PPM1E: variants seen among roughly 807,000 people sequenced by gnomAD.
PPM1E encodes the protein protein phosphatase 1E.
A neutral mutation model predicts 65.9 loss-of-function variants in PPM1E; 20 were observed. The ratio of observed to expected loss-of-function variants is 0.30; its 90% CI spans 0.21 to 0.44. PPM1E has a LOEUF of 0.44. Ranked by LOEUF, PPM1E falls within the 20% of genes least tolerant of loss-of-function variation. The pLI, the probability that PPM1E is intolerant of heterozygous loss-of-function variation, is 1.00. For missense variants in PPM1E, 713 were observed against 953.1 expected, an observed-to-expected ratio of 0.75 and a Z score of 3.32; for synonymous variants, 352 against 374.9, an observed-to-expected ratio of 0.94 and a Z score of 0.70.
chr17:58,759,909 G>T (rs1005919098), intron 1 of PPM1E, among the ~76,000 whole-genome samples: 1 of 152,124 alleles, frequency 6.6e-6, no homozygotes, highest in Non-Finnish European at 1.5e-5. Flanking sequence ...TATATAAATG[G>T]AAAAATATAT....
At chr17:58,899,279 G>C (rs1430418305) in intron 1 of PPM1E, 2 of 152,016 alleles carry the variant, frequency 1.3e-5, no homozygotes, top group African/African-American at 2.4e-5. Context: ...AAGCTGCAGT[G>C]AACTATGATT....
At chr17:58,866,747 G>A (rs902822393) in intron 1 of PPM1E, among the ~76,000 whole-genome samples, 1 of 152,142 alleles carries the variant, frequency 6.6e-6, no homozygotes, top group Non-Finnish European at 1.5e-5. Context: ...GGGAGAGAGA[G>A]CAGATCTTTA....
At chr17:58,802,552 G>T (rs114798663) in intron 1 of PPM1E, among the ~76,000 whole-genome samples, 5,973 of 151,626 alleles carry the variant, frequency 0.039, 220 homozygotes, top group African/African-American at 0.095. Context: ...AATGTTAGGG[G>T]TTTTTTTTCT....
chr17:58,837,344 C>A (rs999833901), intron 1 of PPM1E, among the ~76,000 whole-genome samples: 1 of 149,812 alleles, frequency 6.7e-6, no homozygotes, highest in Non-Finnish European at 1.5e-5. Context: ...CACACACACA[C>A]ACACACACAC....
intron 1 of PPM1E, among the ~76,000 whole-genome samples, chr17:58,849,115 T>G (rs189633292): frequency 0.017 from 2,555 of 152,304 alleles, 32 homozygotes; most frequent in Non-Finnish European, 0.028. Flanking sequence ...GGATTGGTGG[T>G]GATATCCCCT....
At chr17:58,962,980 T>C (rs927823233) in intron 2 of PPM1E, among the ~76,000 whole-genome samples, 1 of 152,042 alleles carries the variant, frequency 6.6e-6, no homozygotes, top group Non-Finnish European at 1.5e-5. Flanking sequence ...TCCCAGCTAC[T>C]TGAGAGGCTG....
chr17:58,905,381 T>A (rs1471914624), intron 1 of PPM1E, among the ~76,000 whole-genome samples: 1 of 152,202 alleles, frequency 6.6e-6, no homozygotes, highest in Admixed American at 6.5e-5. Context: ...GAAGTTGCCC[T>A]CTATTTCTGG....
At chr17:58,776,240 T>A (rs186333730) in intron 1 of PPM1E, among the ~76,000 whole-genome samples, 2 of 152,116 alleles carry the variant, frequency 1.3e-5, no homozygotes, top group African/African-American at 4.8e-5. Flanking sequence ...GATAGGAGGA[T>A]CCCTTGAGCC....
intron 1 of PPM1E, among the ~76,000 whole-genome samples, chr17:58,902,626 A>G (rs185460552): frequency 2.4e-4 from 37 of 152,238 alleles, no homozygotes; most frequent in Non-Finnish European, 4.3e-4. Flanking sequence ...CAGTTCCTAA[A>G]TCCAAATTAT....
rs113634561 is a variant in PPM1E at position 58,774,082 on chromosome 17, A to G, written c.464+17621A>G. ...GAGGCTGAGGCAGGAGAATCACTTG[A>G]ACCAGGGAGGCAGATGTTGTAGTGA... is the stretch of plus-strand genomic sequence containing the variant. On this transcript the variant is annotated intron_variant, in intron 1 of 6. Transcript: ENST00000308249. 8.8e-3 allele frequency among the ~76,000 whole-genome samples: 1,337 copies of G among 152,096 alleles called. 25 individuals carry two copies. Among genetic ancestry groups the G allele is most frequent in the African/African-American group, 0.03 (1,231 of 41,498 alleles).
At chr17:58,959,351 G>T (rs960695870) in intron 2 of PPM1E, among the ~76,000 whole-genome samples, 6 of 146,616 alleles carry the variant, frequency 4.1e-5, no homozygotes, top group African/African-American at 1.5e-4. Flanking sequence ...TGTAATCCCA[G>T]CACTTTGGGA....
chr17:58,963,787 G>C (rs573708709), intron 2 of PPM1E, among the ~76,000 whole-genome samples: 1 of 152,144 alleles, frequency 6.6e-6, no homozygotes, highest in African/African-American at 2.4e-5. Context: ...TACTCAGAAG[G>C]CTGAGGCAGG....
Position 58,980,924 on chromosome 17 carries a change from C to T in PPM1E, c.2161C>T (p.Pro721Ser), listed in dbSNP as rs1159529040. 8 of 1,613,994 alleles carry T rather than the reference C, an allele frequency of 5.0e-6. No homozygotes were observed. The Admixed American group carries it at 1.3e-4, about 27-fold the overall frequency. ...GAGAAATAGGATAAGAAGTTCTCTG[C>T]CATGGAGGCAAAATAGTTGGAAAGG... ...GKRNRIRSSL[P>S]WRQNSWKGYS... The change falls in exon 7 of 7, where the codon CCA becomes TCA. Residue 721 changes from proline to serine, a missense_variant. Pro to Ser is a moderately conservative substitution (Grantham distance 74). Coordinates refer to ENST00000308249, the MANE Select transcript of PPM1E (RefSeq NM_014906.5). The surrounding 1 kb of genome is among the most constrained non-coding windows in gnomAD (Gnocchi z 4.7).
intron 6 of PPM1E, among the ~76,000 whole-genome samples, chr17:58,975,794 A>G (rs2030961494): frequency 6.6e-6 from 1 of 152,130 alleles, no homozygotes; most frequent in Non-Finnish European, 1.5e-5. Flanking sequence ...TGTATTTATA[A>G]AGATATTTGT....
chr17:58,970,972 G>T (rs867951356), intron 4 of PPM1E, among the ~76,000 whole-genome samples: 1 of 151,968 alleles, frequency 6.6e-6, no homozygotes, highest in Non-Finnish European at 1.5e-5. Context: ...ATGTGTTGTT[G>T]TTGTTGTTGT....
At chr17:58,962,718 C>G (rs2030071419) in intron 2 of PPM1E, among the ~76,000 whole-genome samples, 1 of 152,158 alleles carries the variant, frequency 6.6e-6, no homozygotes, top group Admixed American at 6.6e-5. Context: ...CTATATACCT[C>G]CACAGGCTGT....
chr17:58,778,178 C>T (rs1213610734), intron 1 of PPM1E, among the ~76,000 whole-genome samples: 1 of 152,048 alleles, frequency 6.6e-6, no homozygotes, highest in Non-Finnish European at 1.5e-5. Context: ...CGGCTCCCTG[C>T]AAACTCCGCC....
intron 1 of PPM1E, among the ~76,000 whole-genome samples, chr17:58,805,980 A>AAAAAAAAAAC (rs2050307581): frequency 2.8e-5 from 3 of 107,932 alleles, no homozygotes; most frequent in African/African-American, 1.2e-4. Flanking sequence ...AAAACAAAAA[A>AAAAAAAAAAC]AAAACAAAAC....
chr17:58,770,295 C>T (rs2049923602), intron 1 of PPM1E, among the ~76,000 whole-genome samples: 1 of 152,010 alleles, frequency 6.6e-6, no homozygotes, highest in Admixed American at 6.6e-5. Flanking sequence ...TAAGGTAAAA[C>T]TATCCTTGAC....
Sources: gnomAD v4.1 joint callset for allele counts (sites outside exome capture counted in the v4.1 genomes callset) on GRCh38, gnomAD v4.1.1 for gene constraint, Gnocchi (gnomAD v3.1) non-coding constraint, MANE v1.5 for transcripts, NCBI Gene and HGNC (gene_info 2026-07-23, HGNC 2026-07-21) for gene names.